GALNT9: variants seen among roughly 807,000 people sequenced by gnomAD.
The protein encoded by GALNT9 is GalNAc transferase 9.
Under a neutral mutation model 63.1 loss-of-function variants are expected in GALNT9, and 47 were observed. That is an observed-to-expected ratio of 0.75 (90% CI 0.59 to 0.95). GALNT9 has a LOEUF of 0.95. Ranked by LOEUF, GALNT9 falls within the 40% of genes least tolerant of loss-of-function variation. The pLI is 0.00. For synonymous variants in GALNT9, 396 were observed against 365.7 expected (o/e 1.08, Z -0.94); for missense variants, 829 against 874.8 (o/e 0.95, Z 0.66).
intron 2 of GALNT9, among the ~76,000 whole-genome samples, chr12:132,263,349 A>G (rs1316258184): frequency 4.6e-5 from 7 of 152,242 alleles, no homozygotes; most frequent in Admixed American, 3.9e-4. Context: ...TAGAGGAAAA[A>G]GCTTGGATTG....
chr12:132,204,880 G>C (rs76554265), intron 6 of GALNT9, among the ~76,000 whole-genome samples: 25 of 152,214 alleles, frequency 1.6e-4, no homozygotes, highest in African/African-American at 5.8e-4. Context: ...CCCTGAGCCT[G>C]CCATGCTGGA....
Position 132,262,447 on chromosome 12 carries a change from C to T in GALNT9, c.586+12G>A. On this transcript the variant is annotated intron_variant, in intron 3 of 10. Transcript: ENST00000328957. Reference sequence around the variant, plus strand: ...GCCCGGCGAGCACCGTGCCGAGGCCCCGCCCACTCACCGTTGTCACTGTTG... The same window carrying T: ...GCCCGGCGAGCACCGTGCCGAGGCCTCGCCCACTCACCGTTGTCACTGTTG... 1 of 1,547,142 alleles carries T rather than the reference C, an allele frequency of 6.5e-7. No homozygotes were observed. Among genetic ancestry groups the T allele is most frequent in the Non-Finnish European group, 8.7e-7 (1 of 1,144,830 alleles).
intron 9 of GALNT9, 120 bp downstream of exon 9, chr12:132,199,054 C>T (rs1472464731): frequency 3.1e-6 from 2 of 646,400 alleles, no homozygotes; most frequent in East Asian, 2.8e-5. Context: ...TGGAATGCAG[C>T]CCTGGTGGCC....
chr12:132,260,953 C>T lies in GALNT9; in HGVS notation c.756G>A (p.Thr252=), dbSNP rs1369140425. Residue 252 remains threonine, a synonymous_variant, in exon 4 of 11, where the codon ACG becomes ACA. Coordinates refer to ENST00000328957, the MANE Select transcript of GALNT9 (RefSeq NM_001122636.2). ...GFFDAHVEFN[T]GWAEPALSRI... ...CAGCCTGTTCCGGCCCTTACCAGCC[C>T]GTGTTGAACTCGACGTGGGCATCAA... 1.0e-5 allele frequency: 16 copies of T among 1,540,264 alleles called. No individual in the cohort carries two copies. Among genetic ancestry groups the T allele is most frequent in the South Asian group, 6.0e-5 (5 of 83,006 alleles).
At chr12:132,209,063 G>T (rs574331933) in intron 6 of GALNT9, among the ~76,000 whole-genome samples, 1 of 152,286 alleles carries the variant, frequency 6.6e-6, no homozygotes, top group East Asian at 1.9e-4. Context: ...CCACAGCCAG[G>T]GCGGAAGTCC....
At chr12:132,322,888 G>T (rs1555246259) in intron 1 of GALNT9, among the ~76,000 whole-genome samples, 1 of 152,224 alleles carries the variant, frequency 6.6e-6, no homozygotes, top group Non-Finnish European at 1.5e-5. Context: ...GCTGACACCA[G>T]TCCGCTTGCT....
chr12:132,250,285 C>CG (rs1438916959), intron 5 of GALNT9, among the ~76,000 whole-genome samples: 1 of 137,020 alleles, frequency 7.3e-6, no homozygotes, highest in Non-Finnish European at 1.6e-5. Context: ...GGGGCTGGGG[C>CG]GGGGGGAACG....
At chr12:132,199,703 C>T (rs1875849987) in intron 8 of GALNT9, among the ~76,000 whole-genome samples, 3 of 152,206 alleles carry the variant, frequency 2.0e-5, no homozygotes, top group African/African-American at 7.2e-5. Flanking sequence ...GGAACCCTGA[C>T]AGCCCTCTGA....
At chr12:132,224,612 C>T (rs1209876773) in intron 6 of GALNT9, among the ~76,000 whole-genome samples, 4 of 34,076 alleles carry the variant, frequency 1.2e-4, no homozygotes, top group East Asian at 1.3e-3. Context: ...CACAAACATA[C>T]ACCCCATACA....
intron 2 of GALNT9, chr12:132,272,988 C>T (rs1157469403): frequency 6.6e-6 from 1 of 152,380 alleles, no homozygotes; most frequent in Non-Finnish European, 1.5e-5. Flanking sequence ...CTCCTCCTGA[C>T]ATTGAGTTCC....
In GALNT9 at chr12:132,257,870, A is replaced by G; in HGVS notation, c.778T>C (p.Ser260Pro). 1 of 1,544,940 alleles carries G rather than the reference A, an allele frequency of 6.5e-7. No individual in the cohort carries two copies. The highest frequency in any genetic ancestry group is 8.7e-7 in the Non-Finnish European group (1 of 1,144,566). The change falls in exon 5 of 11, where the codon TCG becomes CCG. Residue 260 changes from serine (S) to proline (P), a missense_variant. Coordinates refer to ENST00000328957, the MANE Select transcript of GALNT9 (RefSeq NM_001122636.2). ...CGACGCCGGTCCTCTCGGATCCGCG[A>G]CAGTGCGGGCTCGGCCCTGCGGAGG... Reference protein sequence around the residue: ...FNTGWAEPALSRIREDRRRIV... With the variant: ...FNTGWAEPALPRIREDRRRIV...
At chr12:132,292,330 C>T (rs552428755) in intron 1 of GALNT9, among the ~76,000 whole-genome samples, 1 of 152,176 alleles carries the variant, frequency 6.6e-6, no homozygotes, top group Non-Finnish European at 1.5e-5. Context: ...CCCTTCCAAG[C>T]GGGTGCCAGG....
chr12:132,291,892 C>G (rs1426114752), intron 1 of GALNT9, among the ~76,000 whole-genome samples: 1 of 152,214 alleles, frequency 6.6e-6, no homozygotes, highest in Non-Finnish European at 1.5e-5. Context: ...AGCCATGGGC[C>G]CCAATCCTGC....
At chr12:132,212,060 G>A (rs1261082930) in intron 6 of GALNT9, among the ~76,000 whole-genome samples, 2 of 152,248 alleles carry the variant, frequency 1.3e-5, no homozygotes, top group East Asian at 1.9e-4. Context: ...CACCCAGCCA[G>A]GCATTGAGAG....
rs1315911526 is a variant in GALNT9, at chr12:132,310,163, T to G, written c.238+18803A>C. Among the ~76,000 whole-genome samples, 5 of 152,224 alleles carry G rather than the reference T, an allele frequency of 3.3e-5. No individual in the cohort carries two copies. The highest frequency in any genetic ancestry group is 1.2e-4 in the African/African-American group (5 of 41,450). Reference sequence around the variant, plus strand: ...GGCTGGAGCAGCCAATGTGTGACCATGAGACCGAATGCCTCCAGCAGGAGG... The same window carrying G: ...GGCTGGAGCAGCCAATGTGTGACCAGGAGACCGAATGCCTCCAGCAGGAGG... On this transcript the variant is annotated intron_variant, in intron 1 of 10. Coordinates refer to ENST00000328957, the MANE Select transcript of GALNT9 (RefSeq NM_001122636.2). This position sits in a 1 kb window ranked among gnomAD's most constrained non-coding sequence, Gnocchi z 4.8.
At chr12:132,207,361 G>A (rs1023058106) in intron 6 of GALNT9, among the ~76,000 whole-genome samples, 3 of 152,234 alleles carry the variant, frequency 2.0e-5, no homozygotes, top group African/African-American at 4.8e-5. Context: ...GAACGAATGT[G>A]TTCCCTTTAG....
chr12:132,293,792 CGGGGGGTCCCGT>C, intron 1 of GALNT9, among the ~76,000 whole-genome samples: 1 of 144,632 alleles, frequency 6.9e-6, no homozygotes, highest in Admixed American at 6.8e-5. Flanking sequence ...AACGAGAAGC[CGGGGGGTCCCGT>C]ATACAGTCAG....
chr12:132,233,184 G>A (rs1297408991), intron 6 of GALNT9, among the ~76,000 whole-genome samples: 5 of 44,122 alleles, frequency 1.1e-4, no homozygotes, highest in African/African-American at 3.8e-4. Context: ...CCACACACTC[G>A]ATGGGGCGAC....
At chr12:132,200,717 T>C in intron 8 of GALNT9, 1 of 176,880 alleles carries the variant, frequency 5.7e-6, no homozygotes. Flanking sequence ...AATGTCTCTG[T>C]ACACACATCT....
Sources: allele counts gnomAD v4.1 joint callset (sites outside exome capture counted in the v4.1 genomes callset), GRCh38; gene constraint gnomAD v4.1.1; non-coding constraint Gnocchi (gnomAD v3.1); transcripts MANE v1.5; gene names NCBI Gene and HGNC (gene_info 2026-07-23, HGNC 2026-07-21).